The following CDH13 variants were observed in gnomAD, a reference collection of about 807,000 sequenced individuals.
CDH13 encodes the protein cadherin 13.
Under a neutral mutation model 63.8 loss-of-function variants are expected in CDH13, and 24 were observed. That is an observed-to-expected ratio of 0.38 (90% CI 0.27 to 0.53). CDH13 has a LOEUF of 0.53. Ranked by LOEUF, CDH13 falls within the 20% of genes least tolerant of loss-of-function variation. The probability of loss-of-function intolerance (pLI) is 0.85; values close to 1 mark genes in which losing one functional copy is unlikely to be tolerated. For synonymous variants in CDH13, 503 were observed against 355.3 expected, an observed-to-expected ratio of 1.42 and a Z score of -4.67; for missense variants, 1,049 against 903.1, an observed-to-expected ratio of 1.16 and a Z score of -2.07.
chr16:82,807,916 T>C (rs1457969263), intron 1 of CDH13, among the ~76,000 whole-genome samples: 1 of 152,202 alleles, frequency 6.6e-6, no homozygotes, highest in Non-Finnish European at 1.5e-5. Flanking sequence ...CAAACTGTTC[T>C]TTTCCTTAAA....
intron 5 of CDH13, among the ~76,000 whole-genome samples, chr16:83,271,401 C>T (rs774592292): frequency 3.1e-4 from 28 of 89,230 alleles, no homozygotes; most frequent in Non-Finnish European, 4.1e-4. Context: ...CCAGCTCTAC[C>T]GCACATTGAG....
intron 2 of CDH13, among the ~76,000 whole-genome samples, chr16:82,950,765 C>T (rs549092111): frequency 5.9e-5 from 9 of 151,554 alleles, no homozygotes; most frequent in African/African-American, 2.4e-5. Context: ...CTGTAAAGAC[C>T]CTATCTCCAA....
chr16:83,009,168 A>G (rs923674001), intron 2 of CDH13, among the ~76,000 whole-genome samples: 13 of 152,228 alleles, frequency 8.5e-5, no homozygotes, highest in Admixed American at 3.3e-4. Context: ...GTCCATGTCT[A>G]CTTCATTCAA....
chr16:83,066,345 C>T (rs527803586), intron 3 of CDH13, among the ~76,000 whole-genome samples: 192 of 152,164 alleles, frequency 1.3e-3, no homozygotes, highest in African/African-American at 4.4e-3. Context: ...CCTTGTTTTT[C>T]GGAGACATGC....
chr16:83,381,491 C>T (rs2091566223), intron 6 of CDH13, among the ~76,000 whole-genome samples: 1 of 151,972 alleles, frequency 6.6e-6, no homozygotes, highest in Non-Finnish European at 1.5e-5. Context: ...CCTCAAAGCC[C>T]TGGGATGCAG....
intron 7 of CDH13, among the ~76,000 whole-genome samples, chr16:83,534,275 C>T (rs11861707): frequency 0.53 from 81,331 of 152,022 alleles, 21,946 homozygotes; most frequent in Non-Finnish European, 0.58. Context: ...AGCTGTGGAT[C>T]CTCACAGCCT....
At chr16:82,775,269 A>G (rs559694740) in intron 1 of CDH13, among the ~76,000 whole-genome samples, 1 of 152,254 alleles carries the variant, frequency 6.6e-6, no homozygotes, top group Non-Finnish European at 1.5e-5. Context: ...CACTGTAATC[A>G]TGATATACAA....
chr16:82,995,370 C>G (rs757406591), intron 2 of CDH13, among the ~76,000 whole-genome samples: 4 of 152,280 alleles, frequency 2.6e-5, no homozygotes, highest in Middle Eastern at 3.4e-3. Flanking sequence ...CATGAGTGAG[C>G]GTGATGTTAG....
At chr16:82,980,700 A>AT (rs1454644922) in intron 2 of CDH13, among the ~76,000 whole-genome samples, 12 of 152,176 alleles carry the variant, frequency 7.9e-5, no homozygotes, top group Admixed American at 7.8e-4. Context: ...AAACTACCAT[A>AT]TACAGAGTCA....
intron 7 of CDH13, among the ~76,000 whole-genome samples, chr16:83,599,137 G>A (rs969656308): frequency 6.6e-6 from 1 of 152,208 alleles, no homozygotes; most frequent in African/African-American, 2.4e-5. Flanking sequence ...GAAGAAGAGG[G>A]AGTGGGTATC....
chr16:83,783,192 C>T (rs976474327), intron 12 of CDH13, 62 bp from the exon 13 acceptor site: 1 of 1,147,986 alleles, frequency 8.7e-7, no homozygotes, highest in African/African-American at 1.5e-5. Flanking sequence ...ATCACCAAAA[C>T]CTCACTCTTT....
Position 82,957,762 on chromosome 16 carries a change from G to C in CDH13, c.158-74248G>C, listed in dbSNP as rs186911305. Among the ~76,000 whole-genome samples, 5 of 152,268 alleles carry C rather than the reference G, an allele frequency of 3.3e-5. No homozygotes were observed. In the East Asian group the frequency reaches 9.6e-4, roughly 29 times the overall value. ...TATGCATTAAATGGGATAATATCTA[G>C]AAATTACCTAGGAAATATCTGGCCA... is the stretch of plus-strand genomic sequence containing the variant. On this transcript the variant is annotated intron_variant, in intron 2 of 13. Coordinates refer to ENST00000567109, the MANE Select transcript of CDH13 (RefSeq NM_001257.5).
At chr16:82,876,655 C>T (rs576124629) in intron 2 of CDH13, among the ~76,000 whole-genome samples, 1 of 152,292 alleles carries the variant, frequency 6.6e-6, no homozygotes, top group Non-Finnish European at 1.5e-5. Context: ...ATAGGAATAA[C>T]TTAACTCCAA....
chr16:83,460,207 A>G (rs1246800700), intron 6 of CDH13, among the ~76,000 whole-genome samples: 1 of 152,260 alleles, frequency 6.6e-6, no homozygotes, highest in African/African-American at 2.4e-5. Flanking sequence ...ATATAATTTT[A>G]TGTCTTCCTG....
chr16:82,760,611 CTA>C (rs1205790378), intron 1 of CDH13, among the ~76,000 whole-genome samples: 1 of 152,128 alleles, frequency 6.6e-6, no homozygotes, highest in Non-Finnish European at 1.5e-5. Flanking sequence ...GAAGTTATTT[CTA>C]TATGACTCTG....
At chr16:83,519,474 A>C (rs1437492277) in intron 7 of CDH13, among the ~76,000 whole-genome samples, 2 of 152,250 alleles carry the variant, frequency 1.3e-5, no homozygotes, top group African/African-American at 2.4e-5. Flanking sequence ...TCGCACTTCT[A>C]CATTCCTTAT....
At chr16:82,716,358 A>G (rs2032371962) in intron 1 of CDH13, among the ~76,000 whole-genome samples, 1 of 152,040 alleles carries the variant, frequency 6.6e-6, no homozygotes. Context: ...AGAGAGAGAG[A>G]CAAACATGGA....
intron 6 of CDH13, among the ~76,000 whole-genome samples, chr16:83,407,888 G>C (rs568008051): frequency 3.4e-4 from 52 of 152,118 alleles, no homozygotes; most frequent in Non-Finnish European, 2.5e-4. Flanking sequence ...AGTATGCATG[G>C]CATTTTAAAA....
At chr16:83,645,789 G>T (rs1017232151) in intron 8 of CDH13, among the ~76,000 whole-genome samples, 7 of 151,970 alleles carry the variant, frequency 4.6e-5, no homozygotes, top group African/African-American at 1.7e-4. Flanking sequence ...GAGGAGAGGA[G>T]GCATCATTTC....
Sources: gnomAD v4.1 joint callset for allele counts (sites outside exome capture counted in the v4.1 genomes callset) on GRCh38, gnomAD v4.1.1 for gene constraint, MANE v1.5 for transcripts, NCBI Gene and HGNC (gene_info 2026-07-23, HGNC 2026-07-21) for gene names.